SYN3: variants seen among roughly 807,000 people sequenced by gnomAD.
SYN3 encodes synapsin III, also known as synapsin-3.
SYN3 carries 35 observed loss-of-function variants against 65.8 expected under a neutral mutation model. The ratio of observed to expected loss-of-function variants is 0.53; its 90% CI spans 0.41 to 0.70. SYN3 has a LOEUF of 0.70. SYN3 is among the 30% of genes least tolerant of loss of function. The probability of loss-of-function intolerance (pLI) is 0.00; values close to 1 mark genes in which losing one functional copy is unlikely to be tolerated. For synonymous variants in SYN3, 270 were observed against 292.9 expected, an observed-to-expected ratio of 0.92 and a Z score of 0.80; for missense variants, 680 against 749.0, an observed-to-expected ratio of 0.91 and a Z score of 1.08.
intron 1 of SYN3, among the ~76,000 whole-genome samples, chr22:33,037,604 C>T (rs929593719): frequency 6.6e-6 from 1 of 152,216 alleles, no homozygotes; most frequent in Admixed American, 6.5e-5. Flanking sequence ...AATGAAGAAG[C>T]TTCTGTTATC....
intron 6 of SYN3, among the ~76,000 whole-genome samples, chr22:32,610,305 G>A (rs2059424938): frequency 6.6e-6 from 1 of 151,626 alleles, no homozygotes; most frequent in South Asian, 2.1e-4. Flanking sequence ...AAAAAGAAAT[G>A]TACAGTTCAG....
intron 7 of SYN3, among the ~76,000 whole-genome samples, chr22:32,571,084 G>A (rs1284758767): frequency 6.6e-6 from 1 of 152,172 alleles, no homozygotes; most frequent in Non-Finnish European, 1.5e-5. Flanking sequence ...CCTGTAGGGT[G>A]TCCTAAATCA....
intron 6 of SYN3, among the ~76,000 whole-genome samples, chr22:32,600,285 G>A (rs971781435): frequency 2.0e-5 from 3 of 152,172 alleles, no homozygotes; most frequent in African/African-American, 4.8e-5. Context: ...CGCAATTCAC[G>A]ACAGGGTTAG....
At chr22:32,822,252 C>T (rs1447925455) in intron 6 of SYN3, among the ~76,000 whole-genome samples, 1 of 152,064 alleles carries the variant, frequency 6.6e-6, no homozygotes, top group Non-Finnish European at 1.5e-5. Context: ...AAGTCTTCCT[C>T]GCTGTCTCTG....
At chr22:32,572,255 T>TTCCTTCCTTCTTTCCTTTCCTTCC (rs1246276846) in intron 7 of SYN3, among the ~76,000 whole-genome samples, 2 of 87,526 alleles carry the variant, frequency 2.3e-5, no homozygotes, top group African/African-American at 1.0e-4. Context: ...CCTTCCTTCC[T>TTCCTTCCTTCTTTCCTTTCCTTCC]TTCCTTCCTT....
At chr22:32,859,250 C>T (rs1298381884) in intron 6 of SYN3, 1 of 1,614,206 alleles carries the variant, frequency 6.2e-7, no homozygotes, top group Non-Finnish European at 8.5e-7. Context: ...GACATGCTCT[C>T]CAATTTCGGT....
intron 12 of SYN3, among the ~76,000 whole-genome samples, chr22:32,522,867 G>A (rs1216977348): frequency 2.6e-5 from 4 of 152,162 alleles, no homozygotes; most frequent in Admixed American, 6.5e-5. Context: ...TGCAAAGGCA[G>A]TGAGATACGG....
intron 12 of SYN3, among the ~76,000 whole-genome samples, chr22:32,524,463 G>GA (rs2057942124): frequency 6.6e-6 from 1 of 152,158 alleles, no homozygotes; most frequent in South Asian, 2.1e-4. Flanking sequence ...TGTGTAAATG[G>GA]AAAAACAAAG....
At chr22:32,744,739 C>T (rs1408094268) in intron 6 of SYN3, among the ~76,000 whole-genome samples, 12 of 152,172 alleles carry the variant, frequency 7.9e-5, no homozygotes, top group South Asian at 2.1e-4. Context: ...GCAGAAACCC[C>T]GCTGAGAACT....
rs1298970817 is a variant in SYN3, at chr22:32,703,778, T to C, written c.712-107042A>G. Among the ~76,000 whole-genome samples the C allele has an allele frequency of 3.9e-5, 6 of 152,284 alleles. No individual in the cohort carries two copies. The East Asian group carries it at 1.2e-3, about 29-fold the overall frequency. On this transcript the variant is annotated intron_variant, in intron 6 of 13. Coordinates refer to ENST00000358763, the MANE Select transcript of SYN3 (RefSeq NM_003490.4). ...TAAATGCATCCCACCCAATGTAATT[T>C]CATCTAAACAAAATTTTCTAAAATC...
At chr22:32,939,586 T>C (rs755117177) in intron 3 of SYN3, among the ~76,000 whole-genome samples, 1 of 152,212 alleles carries the variant, frequency 6.6e-6, no homozygotes, top group Non-Finnish European at 1.5e-5. Flanking sequence ...GTTTTACATG[T>C]TCGTGAACTT....
intron 2 of SYN3, among the ~76,000 whole-genome samples, chr22:32,991,237 C>T (rs1378584256): frequency 6.6e-6 from 1 of 150,878 alleles, no homozygotes; most frequent in Non-Finnish European, 1.5e-5. Flanking sequence ...ACCGGGGAAG[C>T]TGAGGCAGGA....
At chr22:32,923,813 T>C (rs770619027) in intron 4 of SYN3, among the ~76,000 whole-genome samples, 1 of 152,208 alleles carries the variant, frequency 6.6e-6, no homozygotes, top group Non-Finnish European at 1.5e-5. Context: ...TAGTACTCAA[T>C]AGTTATTTTT....
intron 7 of SYN3, among the ~76,000 whole-genome samples, chr22:32,582,367 T>G (rs2058961429): frequency 1.9e-5 from 2 of 106,802 alleles, no homozygotes; most frequent in African/African-American, 5.8e-5. Flanking sequence ...TTTTTTTTTT[T>G]GAGACCGGGT....
intron 3 of SYN3, among the ~76,000 whole-genome samples, chr22:32,941,663 G>A (rs145947188): frequency 0.011 from 1,614 of 152,278 alleles, 39 homozygotes; most frequent in African/African-American, 0.037. Context: ...CGCCTCACCC[G>A]GGAAGCGCAA....
chr22:32,603,612 T>G (rs2059319928), intron 6 of SYN3, among the ~76,000 whole-genome samples: 1 of 151,532 alleles, frequency 6.6e-6, no homozygotes, highest in South Asian at 2.1e-4. Context: ...GCTGCTGCCC[T>G]GTGGCCACCC....
intron 6 of SYN3, among the ~76,000 whole-genome samples, chr22:32,817,133 G>C (rs553226419): frequency 6.6e-6 from 1 of 151,822 alleles, no homozygotes; most frequent in African/African-American, 2.4e-5. Flanking sequence ...TGGGAGAATC[G>C]CTTGAGTCCA....
At chr22:32,901,045 T>C (rs76850983) in intron 4 of SYN3, among the ~76,000 whole-genome samples, 3,207 of 152,334 alleles carry the variant, frequency 0.021, 97 homozygotes, top group Non-Finnish European at 0.025. Flanking sequence ...AATGTGGTGA[T>C]GCAAAATTAT....
At chr22:32,943,097 A>G (rs947396413) in intron 3 of SYN3, among the ~76,000 whole-genome samples, 7 of 152,304 alleles carry the variant, frequency 4.6e-5, no homozygotes, top group South Asian at 2.1e-4. Flanking sequence ...TACAGAGAAC[A>G]CCACAAAGAT....
Sources: gnomAD v4.1 joint callset for allele counts (sites outside exome capture counted in the v4.1 genomes callset) on GRCh38, gnomAD v4.1.1 for gene constraint, MANE v1.5 for transcripts, NCBI Gene and HGNC (gene_info 2026-07-23, HGNC 2026-07-21) for gene names.